Variants in NIN observed in about 807,000 individuals in gnomAD.
NIN encodes glycogen synthase kinase 3 beta-interacting protein.
A neutral mutation model predicts 257.6 loss-of-function variants in NIN; 137 were observed. The observed-to-expected ratio is 0.53, with a 90% CI of 0.46 to 0.61. The LOEUF (loss-of-function observed/expected upper bound fraction) is 0.61, where lower values mean the gene tolerates loss of function less well. Ranked by LOEUF, NIN falls within the 20% of genes least tolerant of loss-of-function variation. The pLI is 0.00. For synonymous variants in NIN, 918 were observed against 919.8 expected (o/e 1.00, Z 0.04); for missense variants, 2,439 against 2,501.2 (o/e 0.98, Z 0.53).
intron 3 of NIN, among the ~76,000 whole-genome samples, chr14:50,814,308 G>A (rs1432609800): frequency 6.6e-6 from 1 of 152,110 alleles, no homozygotes; most frequent in East Asian, 1.9e-4. Flanking sequence ...CTCTAACCAT[G>A]TTTCTTGGTA....
chr14:50,763,235 T>C (rs1364167419), intron 15 of NIN, among the ~76,000 whole-genome samples: 1 of 151,078 alleles, frequency 6.6e-6, no homozygotes, highest in Non-Finnish European at 1.5e-5. Flanking sequence ...AGGTAGGCTA[T>C]CAGGAGAGAG....
intron 26 of NIN, 75 bp from the exon 27 acceptor site, chr14:50,738,361 A>C (rs1177763283): frequency 7.4e-7 from 1 of 1,343,494 alleles, no homozygotes; most frequent in African/African-American, 1.5e-5. Context: ...ACATAGGGAA[A>C]GTTTTAATTC....
At chr14:50,821,011 G>C (rs1357097151) in intron 3 of NIN, among the ~76,000 whole-genome samples, 1 of 152,130 alleles carries the variant, frequency 6.6e-6, no homozygotes. Context: ...CAATTTATAC[G>C]TGATAAAAAC....
chr14:50,723,470 C>T lies in NIN; in HGVS notation c.6395G>A (p.Arg2132Lys), dbSNP rs2040308100. 1 of 1,612,024 alleles carries T rather than the reference C, an allele frequency of 6.2e-7. No individual in the cohort carries two copies. The highest frequency in any genetic ancestry group is 8.5e-7 in the Non-Finnish European group (1 of 1,179,566). The change falls in exon 31 of 31, where the codon AGG (arginine) becomes AAG (lysine). Residue 2132 changes from arginine to lysine, a missense_variant. Around this residue, in one of 3 missense-constraint regions of NIN, gnomAD observed 2,043 missense variants for 2,050.2 expected, o/e 1.00. Transcript: ENST00000530997. ...PAPLTSTPPL[R>K]S ...GTGTACCCTTTGGTTTGGCTATGAC[C>T]TCAAAGGAGGTGTAGAAGTCAATGG...
At chr14:50,743,129 CTT>C (rs1217121904) in intron 24 of NIN, among the ~76,000 whole-genome samples, 3 of 142,530 alleles carry the variant, frequency 2.1e-5, no homozygotes, top group Non-Finnish European at 1.5e-5. Context: ...CGACACCAGG[CTT>C]TTTTTTTTTT....
In NIN at chr14:50,766,809, T is replaced by C; in HGVS notation, c.1516A>G (p.Arg506Gly). The stretch of plus-strand genomic sequence containing the variant: ...TCTGCTAACACATTTTCCAAATTTC[T>C]CTGAAGTTTGTTTGTCAGATTCTCA... Reference protein sequence around the residue: ...EYENLTNKLQRNLENVLAEKF... With the variant: ...EYENLTNKLQGNLENVLAEKF... Residue 506 changes from arginine to glycine, a missense_variant, in exon 13 of 31, where the codon AGA (arginine) becomes GGA (glycine). Physicochemically the swap from Arg to Gly is moderately radical, Grantham distance 125. Transcript: ENST00000530997. 1 of 1,613,772 alleles carries C rather than the reference T, an allele frequency of 6.2e-7. No homozygotes were observed. Among genetic ancestry groups the C allele is most frequent in the South Asian group, 1.1e-5 (1 of 91,070 alleles).
rs571831114 is a variant in NIN, at chr14:50,726,059, T to C, written c.6086A>G (p.Gln2029Arg). ...TSETNTPQGN[Q>R]EQLVTVMEER... is the part of the protein sequence containing the mutation. ...CTCCATGACAGTTACCAGTTGTTCCTGGTTTCCCTGAAGGGAAGAAAAGTA... is the reference window on the plus strand; with the variant it reads ...CTCCATGACAGTTACCAGTTGTTCCCGGTTTCCCTGAAGGGAAGAAAAGTA... The change falls in exon 30 of 31, where the codon CAG becomes CGG. Residue 2029 changes from glutamine (Q) to arginine (R), a missense_variant. Coordinates refer to ENST00000530997, the MANE Select transcript of NIN (RefSeq NM_020921.4). 1 of 1,612,360 alleles carries C rather than the reference T, an allele frequency of 6.2e-7. No homozygotes were observed. Among genetic ancestry groups the C allele is most frequent in the African/African-American group, 1.3e-5 (1 of 75,000 alleles).
chr14:50,792,863 T>C lies in NIN; in HGVS notation c.284A>G (p.Gln95Arg), dbSNP rs1244913947. ...CTTCCCACCTCTAACATATTTGGGC[T>C]GAGCTTCTAGTGAGCAGTCTGAGAG... is the stretch of plus-strand genomic sequence containing the variant. ...FQEPDCSLEAQPKYVRGGKRY... is the reference protein window; with the variant it reads ...FQEPDCSLEARPKYVRGGKRY... The change falls in exon 5 of 31, where the codon CAG becomes CGG. Residue 95 changes from glutamine to arginine, a missense_variant. By Grantham distance (43) the Gln-to-Arg change is conservative. Around this residue, in one of 3 missense-constraint regions of NIN, gnomAD observed 387 missense variants for 427.3 expected, o/e 0.91. Coordinates refer to ENST00000530997, the MANE Select transcript of NIN (RefSeq NM_020921.4). 1 of 1,614,114 alleles carries C rather than the reference T, an allele frequency of 6.2e-7. No individual in the cohort carries two copies. The highest frequency in any genetic ancestry group is 1.3e-5 in the African/African-American group (1 of 74,942).
chr14:50,819,756 G>C (rs1418966457), intron 3 of NIN, among the ~76,000 whole-genome samples: 1 of 152,212 alleles, frequency 6.6e-6, no homozygotes, highest in Non-Finnish European at 1.5e-5. Flanking sequence ...ATTCAGATTT[G>C]TTATGCTACC....
chr14:50,759,811 CG>C, intron 17 of NIN, 45 bp downstream of exon 17: 2 of 1,556,832 alleles, frequency 1.3e-6, no homozygotes, highest in South Asian at 2.5e-5. Context: ...TCTAATGCCC[CG>C]AGGGATGGTG....
At chr14:50,825,244 A>G (rs921523624) in intron 2 of NIN, among the ~76,000 whole-genome samples, 2 of 152,260 alleles carry the variant, frequency 1.3e-5, no homozygotes, top group Admixed American at 1.3e-4. Context: ...ATCTACCTCC[A>G]AAGAAGCAAA....
At chr14:50,752,483 C>T in intron 21 of NIN, 35 bp downstream of exon 21, 4 of 1,495,608 alleles carry the variant, frequency 2.7e-6, no homozygotes, top group Non-Finnish European at 3.7e-6. Flanking sequence ...TTGGGATTTC[C>T]TCAAAAAAAG....
intron 3 of NIN, among the ~76,000 whole-genome samples, chr14:50,820,965 T>C (rs2045187553): frequency 2.0e-5 from 3 of 152,160 alleles, no homozygotes; most frequent in African/African-American, 7.2e-5. Context: ...GGAAGCTCAG[T>C]CACTAGAATA....
At chr14:50,731,062 GAGAA>G (rs2140363929) in intron 28 of NIN, 1 of 584,990 alleles carries the variant, frequency 1.7e-6, no homozygotes, top group Non-Finnish European at 2.9e-6. Flanking sequence ...GTAATAAAAA[GAGAA>G]AGAACAGTAC....
At chr14:50,750,865 G>A (rs1201002324) in intron 21 of NIN, among the ~76,000 whole-genome samples, 4 of 152,210 alleles carry the variant, frequency 2.6e-5, no homozygotes, top group East Asian at 1.9e-4. Flanking sequence ...GTTCTTCCTC[G>A]TCCCTTCTAG....
intron 4 of NIN, chr14:50,806,489 T>TTATTGCCACACCATCTGACA (rs6145336): frequency 1 from 319,637 of 320,414 alleles, 159,439 homozygotes; most frequent in Middle Eastern, 1. Flanking sequence ...CAAGAATGAG[T>TTATTGCCACACCATCTGACA]TATTGCCTAG....
At chr14:50,726,855 A>G (rs1186444165) in intron 29 of NIN, among the ~76,000 whole-genome samples, 1 of 152,212 alleles carries the variant, frequency 6.6e-6, no homozygotes, top group Non-Finnish European at 1.5e-5. Flanking sequence ...AAAGGTATTA[A>G]CAGCTGATGG....
intron 22 of NIN, among the ~76,000 whole-genome samples, chr14:50,745,920 C>T (rs1226929466): frequency 6.6e-6 from 1 of 151,896 alleles, no homozygotes; most frequent in African/African-American, 2.4e-5. Context: ...GATGGGCTGA[C>T]GCTACCCTAT....
At chr14:50,732,115 TG>T (rs1357762397) in intron 28 of NIN, among the ~76,000 whole-genome samples, 1 of 152,216 alleles carries the variant, frequency 6.6e-6, no homozygotes, top group Admixed American at 6.5e-5. Context: ...CCTAGTCTAG[TG>T]ATCTGTGATC....
Sources: gnomAD v4.1 joint callset for allele counts (sites outside exome capture counted in the v4.1 genomes callset) on GRCh38, gnomAD v4.1.1 for gene constraint, gnomAD v4.1.1 regional missense constraint, MANE v1.5 for transcripts, NCBI Gene and HGNC (gene_info 2026-07-23, HGNC 2026-07-21) for gene names.